HSD17B12: variants seen among roughly 807,000 people sequenced by gnomAD.
HSD17B12 encodes the protein very-long-chain 3-oxoacyl-CoA reductase.
Under a neutral mutation model 39.3 loss-of-function variants are expected in HSD17B12, and 32 were observed. That is an observed-to-expected ratio of 0.81 (90% confidence interval 0.61 to 1.09). The LOEUF is 1.09. Among genes scored for constraint, HSD17B12 ranks in the 50% least tolerant of loss-of-function variants. The probability of loss-of-function intolerance (pLI) is 0.00; values close to 1 mark genes in which losing one functional copy is unlikely to be tolerated. For missense variants in HSD17B12, 342 were observed against 382.9 expected, an observed-to-expected ratio of 0.89 and a Z score of 0.89; for synonymous variants, 150 against 146.7, an observed-to-expected ratio of 1.02 and a Z score of -0.16.
At chr11:43,575,792 T>C in the HSD17B12 span, among the ~76,000 whole-genome samples, 2 of 152,236 alleles carry the variant, frequency 1.3e-5, no homozygotes, top group Non-Finnish European at 2.9e-5. The surrounding 1 kb of genome is among the most constrained non-coding windows in gnomAD (Gnocchi z 4.1). Context: ...CCGCGCTGCC[T>C]TCATGAGTCT....
chr11:43,641,959 T>C, the HSD17B12 span, among the ~76,000 whole-genome samples: 1 of 151,894 alleles, frequency 6.6e-6, no homozygotes, highest in African/African-American at 2.4e-5. Context: ...ATTTGCACAT[T>C]CTAGCTTTGT....
chr11:43,686,785 T>C (rs1949804423), intron 1 of HSD17B12, among the ~76,000 whole-genome samples: 1 of 152,168 alleles, frequency 6.6e-6, no homozygotes, highest in Non-Finnish European at 1.5e-5. Flanking sequence ...AAGTGCTTGA[T>C]AACTTGTTAT....
At chr11:43,791,535 A>C (rs913541595) in intron 3 of HSD17B12, among the ~76,000 whole-genome samples, 30 of 152,022 alleles carry the variant, frequency 2.0e-4, no homozygotes, top group Admixed American at 2.0e-3. Flanking sequence ...CTGTCTCAAA[A>C]AAAAAAAAGA....
At chr11:43,749,862 G>A (rs954329113) in intron 1 of HSD17B12, among the ~76,000 whole-genome samples, 4 of 151,980 alleles carry the variant, frequency 2.6e-5, no homozygotes, top group East Asian at 1.9e-4. Flanking sequence ...GGAAAAACTC[G>A]TATTTAGAGA....
At position 43,765,109 on chromosome 11, in the gene HSD17B12, C is replaced by T. The variant is rs1011301652; in HGVS notation, c.283+10988C>T. ...AGTCTTATATTTACATACATATTAA[C>T]ATTTCTGATGCTCTTCATTCTTTTA... On this transcript the variant is annotated intron_variant, in intron 3 of 10. Coordinates refer to ENST00000278353, the MANE Select transcript of HSD17B12 (RefSeq NM_016142.3). Among the ~76,000 whole-genome samples, 3 of 151,940 alleles carry T rather than the reference C, an allele frequency of 2.0e-5. No individual in the cohort carries two copies. The East Asian group carries it at 5.8e-4, about 29-fold the overall frequency.
chr11:43,792,341 A>ATTTGTATTTGTCTCGCAT (rs1361640447), intron 3 of HSD17B12, among the ~76,000 whole-genome samples: 6 of 152,180 alleles, frequency 3.9e-5, no homozygotes, highest in Admixed American at 3.9e-4. Flanking sequence ...GAGGTTTTTT[A>ATTTGTATTTGTCTCGCAT]AAAAACGTGC....
intron 1 of HSD17B12, among the ~76,000 whole-genome samples, chr11:43,695,763 A>C: frequency 6.6e-6 from 1 of 152,154 alleles, no homozygotes; most frequent in East Asian, 1.9e-4. Flanking sequence ...TTTAGATTTT[A>C]GTTGGCCATC....
chr11:43,811,243 A>G (rs1341076034), intron 4 of HSD17B12, among the ~76,000 whole-genome samples: 1 of 152,198 alleles, frequency 6.6e-6, no homozygotes, highest in Non-Finnish European at 1.5e-5. Flanking sequence ...TAACTATTTG[A>G]GAGCAACAGT....
intron 8 of HSD17B12, 101 bp downstream of exon 8, chr11:43,838,499 G>A (rs1951392805): frequency 1.1e-6 from 1 of 911,420 alleles, no homozygotes; most frequent in African/African-American, 1.7e-5. Flanking sequence ...TCTGTTCTTG[G>A]CAGTTTTCCA....
chr11:43,679,356 G>T (rs1387493392), upstream of HSD17B12, among the ~76,000 whole-genome samples: 7 of 152,110 alleles, frequency 4.6e-5, no homozygotes, highest in Non-Finnish European at 7.4e-5. Flanking sequence ...GGGCAATCAG[G>T]CAGGAGAAAG....
intron 3 of HSD17B12, among the ~76,000 whole-genome samples, chr11:43,784,812 C>G (rs755491237): frequency 1.4e-4 from 22 of 152,244 alleles, no homozygotes; most frequent in Non-Finnish European, 2.4e-4. Flanking sequence ...GACACATGTG[C>G]CAACTTTATC....
chr11:43,591,696 G>T, the HSD17B12 span, among the ~76,000 whole-genome samples: 2 of 151,882 alleles, frequency 1.3e-5, no homozygotes, highest in East Asian at 3.9e-4. Context: ...GCTAATCTGA[G>T]ATTTAAAATG....
At chr11:43,643,853 G>C in the HSD17B12 span, among the ~76,000 whole-genome samples, 13 of 152,142 alleles carry the variant, frequency 8.5e-5, no homozygotes, top group Non-Finnish European at 1.0e-4. Context: ...TAATAACTTA[G>C]AAAAATGTTG....
chr11:43,593,446 G>A, the HSD17B12 span, among the ~76,000 whole-genome samples: 1 of 152,144 alleles, frequency 6.6e-6, no homozygotes, highest in Non-Finnish European at 1.5e-5. Flanking sequence ...TTATGGAACT[G>A]TGCAGTTATC....
chr11:43,590,805 G>A, the HSD17B12 span, among the ~76,000 whole-genome samples: 4 of 119,246 alleles, frequency 3.4e-5, no homozygotes, highest in Admixed American at 3.1e-4. Flanking sequence ...CACCCAGCTC[G>A]ACTTTTTTTT....
intron 1 of HSD17B12, among the ~76,000 whole-genome samples, chr11:43,723,675 A>G (rs1417313485): frequency 6.6e-6 from 1 of 152,240 alleles, no homozygotes; most frequent in Admixed American, 6.5e-5. Context: ...TGTCTTACTA[A>G]CAAAACGTTC....
chr11:43,783,359 C>G (rs1176692941), intron 3 of HSD17B12, among the ~76,000 whole-genome samples: 2 of 150,824 alleles, frequency 1.3e-5, no homozygotes, highest in Non-Finnish European at 2.9e-5. Context: ...GTCTCAGAGC[C>G]CTTTTTACTC....
chr11:43,591,372 C>A, the HSD17B12 span, among the ~76,000 whole-genome samples: 1 of 152,018 alleles, frequency 6.6e-6, no homozygotes, highest in South Asian at 2.1e-4. Context: ...CAAAGTTATC[C>A]TTTAGGAAGT....
intron 6 of HSD17B12, among the ~76,000 whole-genome samples, chr11:43,823,633 C>T (rs767101924): frequency 2.0e-5 from 3 of 152,094 alleles, no homozygotes; most frequent in African/African-American, 4.8e-5. Context: ...TTGTAAGCAC[C>T]ATGAGGGTTG....
Sources: allele counts gnomAD v4.1 joint callset (sites outside exome capture counted in the v4.1 genomes callset), GRCh38; gene constraint gnomAD v4.1.1; non-coding constraint Gnocchi (gnomAD v3.1); transcripts MANE v1.5; gene names NCBI Gene and HGNC (gene_info 2026-07-23, HGNC 2026-07-21).